Variants in NT5DC3 observed in about 807,000 individuals in gnomAD.
NT5DC3 encodes the protein 5'-nucleotidase domain containing 3, also known as 5'-nucleotidase domain-containing protein 3.
NT5DC3 carries 42 observed loss-of-function variants against 67.8 expected under a neutral mutation model. That is an observed-to-expected ratio of 0.62 (90% confidence interval 0.48 to 0.80). The LOEUF is 0.80. Among genes scored for constraint, NT5DC3 ranks in the 30% least tolerant of loss-of-function variants. The pLI is 0.00. For synonymous variants in NT5DC3, 237 were observed against 255.6 expected, an observed-to-expected ratio of 0.93 and a Z score of 0.69; for missense variants, 570 against 696.4, an observed-to-expected ratio of 0.82 and a Z score of 2.04.
rs1356948626 is a variant in NT5DC3, at chr12:103,793,426, T to C, written c.901A>G (p.Ser301Gly). The C allele has an allele frequency of 6.2e-7, 1 of 1,614,082 alleles. No individual in the cohort carries two copies. Among genetic ancestry groups the C allele is most frequent in the South Asian group, 1.1e-5 (1 of 91,082 alleles). ...HGKKMFLITNSPSSFVDKGMS... is the reference protein window; with the variant it reads ...HGKKMFLITNGPSSFVDKGMS... ...GCAACTTACACAAAGCTACTGGGGCTATTGGTGATGAGAAACATCTTCTTG... is the reference window on the plus strand; with the variant it reads ...GCAACTTACACAAAGCTACTGGGGCCATTGGTGATGAGAAACATCTTCTTG... The change falls in exon 8 of 14, where the codon AGC (serine) becomes GGC (glycine). Residue 301 changes from serine to glycine, a missense_variant. By Grantham distance (56) the Ser-to-Gly change is moderately conservative. Around this residue, in one of 2 missense-constraint regions of NT5DC3, gnomAD observed 466 missense variants for 608.0 expected, o/e 0.77. Transcript: ENST00000392876.
Position 103,787,423 on chromosome 12 carries a change from G to A in NT5DC3, c.1188+18C>T. On this transcript the variant is annotated intron_variant, in intron 11 of 13. Transcript: ENST00000392876. ...CTAACACATCTGTCCCCCAACAAAGGAAAAAAGGGCCCCTCACCGCCAGGT... is the reference window on the plus strand; with the variant it reads ...CTAACACATCTGTCCCCCAACAAAGAAAAAAAGGGCCCCTCACCGCCAGGT... 7.0e-7 allele frequency: 1 copy of A among 1,434,108 alleles called. No individual in the cohort carries two copies. Among genetic ancestry groups the A allele is most frequent in the South Asian group, 1.5e-5 (1 of 68,400 alleles). 88.8% of individuals were successfully genotyped at this position (1,434,108 alleles called of 1,614,324 possible).
the NT5DC3 span, chr12:103,759,064 C>T: frequency 1.2e-6 from 2 of 1,611,634 alleles, no homozygotes; most frequent in East Asian, 2.2e-5. Flanking sequence ...CTTCGTCATC[C>T]CCATCATTAA....
intron 10 of NT5DC3, among the ~76,000 whole-genome samples, chr12:103,787,809 G>A (rs140974004): frequency 4.1e-4 from 63 of 152,226 alleles, no homozygotes; most frequent in African/African-American, 1.4e-3. Flanking sequence ...ATAGCAGCTG[G>A]GAAGTACCAT....
At chr12:103,755,670 C>A in the NT5DC3 span, 4 of 1,614,170 alleles carry the variant, frequency 2.5e-6, no homozygotes, top group Non-Finnish European at 2.5e-6. Context: ...GCAGTGGGAA[C>A]CTGCTGCAGG....
intron 12 of NT5DC3, among the ~76,000 whole-genome samples, chr12:103,784,040 C>T (rs1220418415): frequency 2.0e-5 from 3 of 152,182 alleles, no homozygotes; most frequent in African/African-American, 4.8e-5. Flanking sequence ...TACCTAACCT[C>T]TCAAAAACTG....
the NT5DC3 span, chr12:103,750,732 C>T: frequency 6.2e-7 from 1 of 1,608,162 alleles, no homozygotes; most frequent in South Asian, 1.1e-5. Context: ...TTAGTGTGAC[C>T]AGGGCCTATG....
Position 103,815,134 on chromosome 12 carries a change from A to G in NT5DC3, c.209-13T>C, listed in dbSNP as rs1359898149. On this transcript the variant is annotated splice_polypyrimidine_tract_variant and intron_variant, in intron 1 of 13. Coordinates refer to ENST00000392876, the MANE Select transcript of NT5DC3 (RefSeq NM_001031701.3). Reference sequence around the variant, plus strand: ...GAAGGAACCAATTCTGGAAATAAAGAAAAAAAATACATTATACTACATAAT... The same window carrying G: ...GAAGGAACCAATTCTGGAAATAAAGGAAAAAAATACATTATACTACATAAT... 3.2e-6 allele frequency: 5 copies of G among 1,558,542 alleles called. No individual in the cohort carries two copies. The African/African-American group carries it at 4.1e-5, about 13-fold the overall frequency.
At chr12:103,821,827 T>C (rs1188269914) in intron 1 of NT5DC3, 2 of 152,212 alleles carry the variant, frequency 1.3e-5, no homozygotes, top group Non-Finnish European at 2.9e-5. Flanking sequence ...ATTTCTCCAA[T>C]CTTAAATTCT....
At chr12:103,819,522 G>A (rs540790173) in intron 1 of NT5DC3, 1 of 152,366 alleles carries the variant, frequency 6.6e-6, no homozygotes, top group African/African-American at 2.4e-5. Context: ...AAGAAATGGA[G>A]AGACAGCTCT....
downstream of NT5DC3, among the ~76,000 whole-genome samples, chr12:103,768,312 G>C (rs996867141): frequency 4.1e-4 from 62 of 149,958 alleles, no homozygotes; most frequent in Non-Finnish European, 3.1e-4. Context: ...GTGCACACCT[G>C]TAGTTCCAGC....
chr12:103,804,253 A>C (rs1886704737), intron 4 of NT5DC3, among the ~76,000 whole-genome samples: 1 of 152,226 alleles, frequency 6.6e-6, no homozygotes, highest in African/African-American at 2.4e-5. Context: ...ATCAATAGAC[A>C]AGACATTTCC....
chr12:103,764,728 T>TA, the NT5DC3 span, among the ~76,000 whole-genome samples: 1 of 152,172 alleles, frequency 6.6e-6, no homozygotes, highest in Non-Finnish European at 1.5e-5. Flanking sequence ...ATAAATGCAA[T>TA]AGACTGAAAA....
chr12:103,806,646 C>A (rs1488198130), intron 3 of NT5DC3, among the ~76,000 whole-genome samples: 1 of 152,202 alleles, frequency 6.6e-6, no homozygotes, highest in Non-Finnish European at 1.5e-5. Context: ...ATAAACAGTA[C>A]CTCCTAAATA....
chr12:103,786,326 T>C (rs921132717), intron 11 of NT5DC3, among the ~76,000 whole-genome samples: 3 of 152,132 alleles, frequency 2.0e-5, no homozygotes, highest in Non-Finnish European at 4.4e-5. Flanking sequence ...TATGAAAATA[T>C]GTGGAAACAG....
intron 1 of NT5DC3, among the ~76,000 whole-genome samples, chr12:103,824,690 GATGCCACCAACACAATAAAGGCA>G (rs11273116): frequency 0.14 from 20,570 of 151,960 alleles, 1,525 homozygotes; most frequent in Middle Eastern, 0.28. Context: ...AGACATCTGT[GATGCCACCAACACAATAAAGGCA>G]ATGAGCACCT....
At chr12:103,781,976 C>T (rs1248490467) in intron 12 of NT5DC3, among the ~76,000 whole-genome samples, 1 of 152,216 alleles carries the variant, frequency 6.6e-6, no homozygotes, top group Non-Finnish European at 1.5e-5. Flanking sequence ...CAATAGCCTA[C>T]ATCAGTCCAG....
chr12:103,758,019 C>A, the NT5DC3 span: 4 of 1,136,034 alleles, frequency 3.5e-6, no homozygotes, highest in African/African-American at 1.5e-5. Flanking sequence ...TCTCCCACGG[C>A]GCAGGCAGAA....
At chr12:103,798,920 A>T (rs138457564) in intron 4 of NT5DC3, among the ~76,000 whole-genome samples, 2 of 152,386 alleles carry the variant, frequency 1.3e-5, no homozygotes, top group East Asian at 3.9e-4. Context: ...CATGTACTAT[A>T]GGCCAGATAT....
chr12:103,783,356 G>A (rs1165710356), intron 12 of NT5DC3, among the ~76,000 whole-genome samples: 2 of 152,058 alleles, frequency 1.3e-5, no homozygotes, highest in East Asian at 1.9e-4. Context: ...AGAGTCGGTC[G>A]GCCTGTGTGT....
Sources: allele counts gnomAD v4.1 joint callset (sites outside exome capture counted in the v4.1 genomes callset), GRCh38; gene constraint gnomAD v4.1.1; regional missense constraint gnomAD v4.1.1; transcripts MANE v1.5; gene names NCBI Gene and HGNC (gene_info 2026-07-23, HGNC 2026-07-21).